The following SNRNP70 variants were observed in gnomAD, a reference collection of about 807,000 sequenced individuals.
SNRNP70 encodes the protein U1 small nuclear ribonucleoprotein 70 kDa.
SNRNP70 carries 8 observed loss-of-function variants against 50.5 expected under a neutral mutation model. The ratio of observed to expected loss-of-function variants is 0.16; its 90% confidence interval spans 0.09 to 0.29. The LOEUF (loss-of-function observed/expected upper bound fraction) is 0.29. SNRNP70 is among the 10% of genes least tolerant of loss of function. The pLI is 1.00. For synonymous variants in SNRNP70, 320 were observed against 252.9 expected, an observed-to-expected ratio of 1.27 and a Z score of -2.52; for missense variants, 529 against 663.5, an observed-to-expected ratio of 0.80 and a Z score of 2.23.
At chr19:49,105,144 C>T (rs1383743915) in intron 8 of SNRNP70, among the ~76,000 whole-genome samples, 1 of 152,070 alleles carries the variant, frequency 6.6e-6, no homozygotes, top group Admixed American at 6.5e-5. Flanking sequence ...TGCTGTTGCT[C>T]TTGTTCACTC....
chr19:49,100,943 G>A (rs114560964), intron 6 of SNRNP70, among the ~76,000 whole-genome samples: 3,432 of 152,080 alleles, frequency 0.023, 131 homozygotes, highest in African/African-American at 0.079. Context: ...ACCCTTCCCA[G>A]CTCCTCAGCG....
At chr19:49,088,110 C>T (rs887145604) in intron 2 of SNRNP70, among the ~76,000 whole-genome samples, 2 of 149,278 alleles carry the variant, frequency 1.3e-5, no homozygotes, top group African/African-American at 5.0e-5. Context: ...AGGCTGGTTT[C>T]GAACCCCTAA....
intron 7 of SNRNP70, chr19:49,102,452 A>C: frequency 3.8e-6 from 1 of 264,420 alleles, no homozygotes; most frequent in Non-Finnish European, 7.8e-6. Context: ...GCCTCTGATG[A>C]CCCGGCTTCG....
intron 7 of SNRNP70, chr19:49,102,489 C>T: frequency 3.9e-6 from 1 of 255,036 alleles, no homozygotes; most frequent in East Asian, 9.5e-5. Context: ...GTGGCAGGAA[C>T]ACCGAGGGCA....
intron 1 of SNRNP70, among the ~76,000 whole-genome samples, chr19:49,086,092 C>T (rs2040375043): frequency 6.6e-6 from 1 of 152,208 alleles, no homozygotes; most frequent in African/African-American, 2.4e-5. Context: ...CCTCCCTCCT[C>T]GGGTCCTTGA....
chr19:49,099,147 C>A (rs2040549180), intron 6 of SNRNP70, among the ~76,000 whole-genome samples: 1 of 152,206 alleles, frequency 6.6e-6, no homozygotes, highest in African/African-American at 2.4e-5. Context: ...CACTGAAGTG[C>A]TCTGTGTCTG....
At chr19:49,098,292 C>T in intron 4 of SNRNP70, 135 bp from the exon 5 acceptor site, 1 of 724,962 alleles carries the variant, frequency 1.4e-6, no homozygotes, top group Non-Finnish European at 2.4e-6. Flanking sequence ...GTTGCCAGGT[C>T]ACCACCCATG....
intron 4 of SNRNP70, among the ~76,000 whole-genome samples, chr19:49,096,744 T>C (rs1266984973): frequency 1.3e-5 from 2 of 151,586 alleles, no homozygotes; most frequent in Non-Finnish European, 2.9e-5. Flanking sequence ...GCACTGACCT[T>C]GGGCAACAAG....
chr19:49,094,473 G>T (rs12611410), intron 4 of SNRNP70, among the ~76,000 whole-genome samples: 71,611 of 151,832 alleles, frequency 0.47, 17,118 homozygotes, highest in South Asian at 0.54. Context: ...CACTCCAGCC[G>T]GGGTGACAGA....
rs34075997 is a variant in SNRNP70, at chr19:49,088,199, C to CTT, written c.147+1658_147+1659dup. Among the ~76,000 whole-genome samples, 114 of 94,882 alleles carry CTT rather than the reference C, an allele frequency of 1.2e-3. 2 individuals carry two copies. Among genetic ancestry groups the CTT allele is most frequent in the East Asian group, 2.7e-3 (9 of 3,352 alleles). The allele number at this position is 94,882 out of a possible 152,430, so 62.2% of individuals were successfully genotyped here. A position where few individuals can be genotyped will look rare whatever the true frequency, so the allele number is the denominator to read the frequency against. On this transcript the variant is annotated intron_variant, in intron 2 of 9. Coordinates refer to ENST00000598441, the MANE Select transcript of SNRNP70 (RefSeq NM_003089.6). ...AGCCACCATGCCTGGGAGCCAGGTA[C>CTT]TTTTTTTTTTTTTTTTTTTTTGACT...
At chr19:49,094,812 A>G (rs962785717) in intron 4 of SNRNP70, among the ~76,000 whole-genome samples, 1 of 152,212 alleles carries the variant, frequency 6.6e-6, no homozygotes, top group African/African-American at 2.4e-5. Flanking sequence ...CAAGTGCAGC[A>G]GGGGTTGCTA....
intron 4 of SNRNP70, among the ~76,000 whole-genome samples, chr19:49,092,527 G>T (rs1273702579): frequency 6.6e-6 from 1 of 151,998 alleles, no homozygotes; most frequent in East Asian, 1.9e-4. Context: ...TCCTGCCTCA[G>T]CCTTCTGAGC....
At chr19:49,092,032 A>G (rs1314403751) in intron 4 of SNRNP70, among the ~76,000 whole-genome samples, 2 of 152,084 alleles carry the variant, frequency 1.3e-5, no homozygotes, top group Non-Finnish European at 2.9e-5. Flanking sequence ...CATGTCCATC[A>G]TCACCACCCA....
chr19:49,102,386 G>C, intron 7 of SNRNP70: 1 of 304,938 alleles, frequency 3.3e-6, no homozygotes, highest in East Asian at 8.4e-5. Flanking sequence ...GATCCCAGGA[G>C]GGGAAGGATG....
At chr19:49,093,540 G>A (rs144754777) in intron 4 of SNRNP70, among the ~76,000 whole-genome samples, 1,625 of 149,816 alleles carry the variant, frequency 0.011, 31 homozygotes, top group African/African-American at 0.037. Context: ...TTAGCCCGGC[G>A]TGGTGATGTG....
Position 49,107,578 on chromosome 19 carries a change from C to T in SNRNP70, c.578-47C>T. 1 of 1,576,724 alleles carries T rather than the reference C, an allele frequency of 6.3e-7. No homozygotes were observed. Among genetic ancestry groups the T allele is most frequent in the African/African-American group, 1.3e-5 (1 of 74,350 alleles). ...GTCGGCTCATTTCTGCTCCTCCGGG[C>T]CCTGTCCCTGCCCAGATTCACCCTC... On this transcript the variant is annotated intron_variant, in intron 8 of 9. Transcript: ENST00000598441. This position sits in a 1 kb window ranked among gnomAD's most constrained non-coding sequence, Gnocchi z 6.0.
Position 49,098,407 on chromosome 19 carries a change from A to G in SNRNP70, c.266-20A>G, listed in dbSNP as rs145882862. Reference sequence around the variant, plus strand: ...ACCATGGACACCTTCAACTTATAAAATTCCTTTCTTCCTGCACAGGGGACC... The same window carrying G: ...ACCATGGACACCTTCAACTTATAAAGTTCCTTTCTTCCTGCACAGGGGACC... On this transcript the variant is annotated intron_variant, in intron 4 of 9. Coordinates refer to ENST00000598441, the MANE Select transcript of SNRNP70 (RefSeq NM_003089.6). 6.2e-3 allele frequency: 9,970 copies of G among 1,600,828 alleles called. 57 individuals are homozygous for G. Among genetic ancestry groups the G allele is most frequent in the Non-Finnish European group, 7.8e-3 (9,129 of 1,172,062 alleles).
At chr19:49,097,564 C>T (rs1224727001) in intron 4 of SNRNP70, among the ~76,000 whole-genome samples, 1 of 152,178 alleles carries the variant, frequency 6.6e-6, no homozygotes, top group Non-Finnish European at 1.5e-5. Flanking sequence ...TTCTCATGCT[C>T]TCCCAGAATG....
chr19:49,095,472 T>A (rs1395126564), intron 4 of SNRNP70, among the ~76,000 whole-genome samples: 4 of 152,210 alleles, frequency 2.6e-5, no homozygotes, highest in Admixed American at 6.5e-5. Context: ...CGTCATCTGA[T>A]GTGATCATAG....
Sources: gnomAD v4.1 joint callset for allele counts (sites outside exome capture counted in the v4.1 genomes callset) on GRCh38, gnomAD v4.1.1 for gene constraint, Gnocchi (gnomAD v3.1) non-coding constraint, MANE v1.5 for transcripts, NCBI Gene and HGNC (gene_info 2026-07-23, HGNC 2026-07-21) for gene names.